PRL: variants seen among roughly 807,000 people sequenced by gnomAD.
PRL encodes the protein prolactin.
Under a neutral mutation model 21.3 loss-of-function variants are expected in PRL, and 24 were observed. The observed-to-expected ratio is 1.13, with a 90% confidence interval of 0.82 to 1.59. PRL has a LOEUF of 1.59. Ranked by LOEUF, PRL falls within the 40% of genes most tolerant of loss-of-function variation. The pLI is 0.00. For missense variants in PRL, 243 were observed against 286.9 expected (o/e 0.85, Z 1.10); for synonymous variants, 118 against 115.7 (o/e 1.02, Z -0.13).
At chr6:22,298,305 G>A (rs1761219183), upstream of PRL, among the ~76,000 whole-genome samples, 1 of 152,188 alleles carries the variant, frequency 6.6e-6, no homozygotes, top group African/African-American at 2.4e-5. Flanking sequence ...TAAATGAAAT[G>A]ACTATAATGA....
At chr6:22,289,878 A>C (rs1761008565) in intron 4 of PRL, among the ~76,000 whole-genome samples, 1 of 152,120 alleles carries the variant, frequency 6.6e-6, no homozygotes, top group Non-Finnish European at 1.5e-5. Context: ...TGCAGATTCT[A>C]TTCTCTAGTT....
rs1173284811 is a variant in PRL, at chr6:22,288,951, C to CGCGTGTGTGT, written c.492+1213_492+1222dup. ...GTGTGTGTGCATGTGTGTGTGCGTG[C>CGCGTGTGTGT]GCGTGTGTGTGCGTGTGTGTATTCA... is the stretch of plus-strand genomic sequence containing the variant. On this transcript the variant is annotated intron_variant, in intron 4 of 4. Coordinates refer to ENST00000306482, the MANE Select transcript of PRL (RefSeq NM_000948.6). This position sits in a 1 kb window ranked among gnomAD's most constrained non-coding sequence, Gnocchi z 4.5. Among the ~76,000 whole-genome samples, 2 of 151,214 alleles carry CGCGTGTGTGT rather than the reference C, an allele frequency of 1.3e-5. No homozygotes were observed. Among genetic ancestry groups the CGCGTGTGTGT allele is most frequent in the East Asian group, 3.9e-4 (2 of 5,156 alleles).
intron 1 of PRL, among the ~76,000 whole-genome samples, 174 bp downstream of exon 1, chr6:22,296,781 A>G (rs1761184959): frequency 6.6e-6 from 1 of 152,196 alleles, no homozygotes. Flanking sequence ...CCCCTGTTTG[A>G]GAACCATTGT....
rs1181390974 is a variant in PRL at position 22,288,368 on chromosome 6, T to C, written c.493-775A>G. On this transcript the variant is annotated intron_variant, in intron 4 of 4. Transcript: ENST00000306482. This position sits in a 1 kb window ranked among gnomAD's most constrained non-coding sequence, Gnocchi z 4.5. ...GGCCAACATGGTGAAATCCCATCTCTACAAAAACATACAAAAATCAGCCGT... is the reference window on the plus strand; with the variant it reads ...GGCCAACATGGTGAAATCCCATCTCCACAAAAACATACAAAAATCAGCCGT... Among the ~76,000 whole-genome samples, 1 of 151,954 alleles carries C rather than the reference T, an allele frequency of 6.6e-6. No individual in the cohort carries two copies. Among genetic ancestry groups the C allele is most frequent in the African/African-American group, 2.4e-5 (1 of 41,362 alleles).
upstream of PRL, chr6:22,297,311 A>G (rs990935398): frequency 3.0e-6 from 1 of 338,972 alleles, no homozygotes; most frequent in Non-Finnish European, 5.4e-6. Flanking sequence ...GGTTTGGAGG[A>G]TCTATAAAAC....
chr6:22,289,523 A>G (rs1761003101), intron 4 of PRL, among the ~76,000 whole-genome samples: 1 of 152,204 alleles, frequency 6.6e-6, no homozygotes, highest in Admixed American at 6.5e-5. Context: ...GAGTCCCAAG[A>G]AAAAACAAAA....
intron 1 of PRL, among the ~76,000 whole-genome samples, chr6:22,296,481 G>C (rs903895355): frequency 2.6e-5 from 4 of 152,176 alleles, no homozygotes; most frequent in Non-Finnish European, 5.9e-5. Flanking sequence ...CCACATTAGA[G>C]GCCTGATAAC....
upstream of PRL, among the ~76,000 whole-genome samples, chr6:22,301,783 G>A (rs1761286247): frequency 6.6e-6 from 1 of 151,704 alleles, no homozygotes; most frequent in South Asian, 2.1e-4. Flanking sequence ...ATTCATTCAT[G>A]TCTTATCAGT....
chr6:22,295,901 T>TA (rs1315214920), intron 1 of PRL, among the ~76,000 whole-genome samples: 4 of 152,322 alleles, frequency 2.6e-5, no homozygotes, highest in East Asian at 1.9e-4. Flanking sequence ...TAAAAATACC[T>TA]AAAAAATTGC....
rs747597871 is a variant in PRL, at chr6:22,294,406, T to C, written c.204+3A>G. 2.5e-6 allele frequency: 4 copies of C among 1,613,934 alleles called. No homozygotes were observed. The African/African-American group carries it at 4.0e-5, about 16-fold the overall frequency. On this transcript the variant is annotated splice_donor_region_variant and intron_variant, in intron 2 of 4. Transcript: ENST00000306482. Reference sequence around the variant, plus strand: ...GGGAGGAAGCCAGAAGCATGGTACTTACGAATTCGCTGAACATTTCTGAGG... The same window carrying C: ...GGGAGGAAGCCAGAAGCATGGTACTCACGAATTCGCTGAACATTTCTGAGG...
intron 2 of PRL, among the ~76,000 whole-genome samples, chr6:22,293,015 C>T (rs1761087425): frequency 6.6e-6 from 1 of 152,114 alleles, no homozygotes. Flanking sequence ...GCATTTGAGC[C>T]AAATGCCACA....
chr6:22,287,344 C>T lies in PRL; in HGVS notation c.*58G>A, dbSNP rs150289010. On this transcript the variant is annotated 3_prime_UTR_variant, in exon 5 of 5. Coordinates refer to ENST00000306482, the MANE Select transcript of PRL (RefSeq NM_000948.6). ...TCAAAAGAGATACAACTAAAAGAAG[C>T]TTGCAATGGAACGGATCATTAAGGA... 3.4e-6 allele frequency: 5 copies of T among 1,473,584 alleles called. No individual in the cohort carries two copies. In the East Asian group the frequency reaches 1.2e-4, roughly 34 times the overall value. 91.3% of individuals were successfully genotyped at this position (1,473,584 alleles called of 1,614,324 possible).
chr6:22,288,081 C>T lies in PRL; in HGVS notation c.493-488G>A, dbSNP rs922066348. Among the ~76,000 whole-genome samples, 3 of 152,128 alleles carry T rather than the reference C, an allele frequency of 2.0e-5. No individual in the cohort carries two copies. Among genetic ancestry groups the T allele is most frequent in the African/African-American group, 7.2e-5 (3 of 41,418 alleles). On this transcript the variant is annotated intron_variant, in intron 4 of 4. Coordinates refer to ENST00000306482, the MANE Select transcript of PRL (RefSeq NM_000948.6). This position sits in a 1 kb window ranked among gnomAD's most constrained non-coding sequence, Gnocchi z 4.5. The stretch of plus-strand genomic sequence containing the variant: ...AACTTTAAAAAAGATGAAGATTGTA[C>T]TCACACTTGATGCTTTGGGGTACAG...
chr6:22,295,359 G>A (rs551466462), intron 1 of PRL, among the ~76,000 whole-genome samples: 118 of 152,246 alleles, frequency 7.8e-4, no homozygotes, highest in Non-Finnish European at 1.5e-3. Context: ...TGCCAATACT[G>A]TGGTCTTTGC....
upstream of PRL, among the ~76,000 whole-genome samples, chr6:22,300,895 C>T (rs141382198): frequency 4.5e-4 from 69 of 152,312 alleles, no homozygotes; most frequent in Middle Eastern, 3.4e-3. Flanking sequence ...TTGTATGTCA[C>T]GTGCTTGTTC....
At chr6:22,295,722 C>T (rs969214005) in intron 1 of PRL, among the ~76,000 whole-genome samples, 2 of 152,194 alleles carry the variant, frequency 1.3e-5, no homozygotes, top group Non-Finnish European at 2.9e-5. Context: ...ATTAAAATCA[C>T]TTGTTAACTT....
rs1761134526 is a variant in PRL, at chr6:22,294,548, A to G, written c.65T>C (p.Leu22Pro). Reference sequence around the variant, plus strand: ...GGGCAAGGGGGCCACGCTCTGGCACAGGAGCAGGTTTGACACCAGCAGCAG... The same window carrying G: ...GGGCAAGGGGGCCACGCTCTGGCACGGGAGCAGGTTTGACACCAGCAGCAG... Reference protein sequence around the residue: ...LLLLLVSNLLLCQSVAPLPIC... With the variant: ...LLLLLVSNLLPCQSVAPLPIC... Residue 22 changes from leucine (L) to proline (P), a missense_variant, in exon 2 of 5, where the codon CTG becomes CCG. Transcript: ENST00000306482. The G allele has an allele frequency of 1.9e-6, 3 of 1,612,432 alleles. No homozygotes were observed. Among genetic ancestry groups the G allele is most frequent in the African/African-American group, 2.7e-5 (2 of 74,916 alleles).
upstream of PRL, among the ~76,000 whole-genome samples, chr6:22,300,527 T>C (rs777912587): frequency 8.5e-5 from 13 of 152,258 alleles, no homozygotes; most frequent in Non-Finnish European, 1.5e-4. Context: ...TGGAGCTCTC[T>C]AAACCATTAC....
intron 3 of PRL, among the ~76,000 whole-genome samples, chr6:22,291,688 A>G (rs951695369): frequency 6.6e-6 from 1 of 152,044 alleles, no homozygotes; most frequent in Non-Finnish European, 1.5e-5. Context: ...TCCTTCTCTT[A>G]TTATCATAAT....
Sources: gnomAD v4.1 joint callset for allele counts (sites outside exome capture counted in the v4.1 genomes callset) on GRCh38, gnomAD v4.1.1 for gene constraint, Gnocchi (gnomAD v3.1) non-coding constraint, MANE v1.5 for transcripts, NCBI Gene and HGNC (gene_info 2026-07-23, HGNC 2026-07-21) for gene names.